The following ANO2 variants were observed in gnomAD, a reference collection of about 807,000 sequenced individuals.
ANO2 encodes the protein anoctamin 2, also known as anoctamin-2.
Under a neutral mutation model 124.2 loss-of-function variants are expected in ANO2, and 101 were observed. The ratio of observed to expected loss-of-function variants is 0.81; its 90% confidence interval spans 0.69 to 0.96. ANO2 has a LOEUF of 0.96. ANO2 is among the 40% of genes least tolerant of loss of function. The pLI is 0.00. For synonymous variants in ANO2, 486 were observed against 482.5 expected (o/e 1.01, Z -0.09); for missense variants, 1,293 against 1,274.5 (o/e 1.01, Z -0.22).
chr12:5,572,260 G>T (rs1942169754), intron 23 of ANO2, among the ~76,000 whole-genome samples: 1 of 151,984 alleles, frequency 6.6e-6, no homozygotes, highest in Non-Finnish European at 1.5e-5. Context: ...TGTCTCCCTG[G>T]AATACAGTGT....
intron 14 of ANO2, among the ~76,000 whole-genome samples, chr12:5,726,819 G>T (rs946633330): frequency 2.6e-5 from 4 of 152,108 alleles, no homozygotes; most frequent in Non-Finnish European, 4.4e-5. Flanking sequence ...AAACCAATGG[G>T]TTGATGACCA....
chr12:5,705,718 T>C (rs1440190341), intron 14 of ANO2, among the ~76,000 whole-genome samples: 1 of 152,234 alleles, frequency 6.6e-6, no homozygotes, highest in Non-Finnish European at 1.5e-5. Context: ...CCAAAACATA[T>C]CATAACTGTT....
chr12:5,863,809 CATT>C (rs1955344798), intron 3 of ANO2, among the ~76,000 whole-genome samples: 1 of 151,964 alleles, frequency 6.6e-6, no homozygotes, highest in Non-Finnish European at 1.5e-5. Flanking sequence ...TTTAAAAAAT[CATT>C]ATTTTTAATT....
chr12:5,751,038 G>T, intron 10 of ANO2, 68 bp from the exon 11 acceptor site: 6 of 1,451,268 alleles, frequency 4.1e-6, no homozygotes, highest in Non-Finnish European at 5.6e-6. Context: ...ATTTCTGTTT[G>T]TTCTATGCCT....
intron 3 of ANO2, among the ~76,000 whole-genome samples, chr12:5,912,107 C>G (rs945748467): frequency 2.0e-5 from 3 of 152,176 alleles, no homozygotes; most frequent in African/African-American, 7.2e-5. Context: ...CCAGAAGCAC[C>G]CTGTCAGTTG....
At chr12:5,786,988 C>T (rs542751865) in intron 10 of ANO2, among the ~76,000 whole-genome samples, 2 of 152,278 alleles carry the variant, frequency 1.3e-5, no homozygotes, top group Non-Finnish European at 2.9e-5. Flanking sequence ...ACACAGCCAC[C>T]ATAGGTGAGC....
intron 17 of ANO2, among the ~76,000 whole-genome samples, chr12:5,613,849 C>T (rs140153326): frequency 2.6e-5 from 4 of 152,272 alleles, no homozygotes; most frequent in East Asian, 1.9e-4. Context: ...TTGCCTAAAA[C>T]GTCATATGCA....
chr12:5,750,632 C>T (rs1369826806), intron 11 of ANO2, among the ~76,000 whole-genome samples: 2 of 152,218 alleles, frequency 1.3e-5, no homozygotes, highest in East Asian at 3.8e-4. Flanking sequence ...GGAAGTAGGC[C>T]TCGCCTAGCA....
At chr12:5,593,526 T>G (rs1387294323) in intron 20 of ANO2, among the ~76,000 whole-genome samples, 1 of 152,126 alleles carries the variant, frequency 6.6e-6, no homozygotes, top group Non-Finnish European at 1.5e-5. Context: ...CATTCTTTAA[T>G]AATTAGGGCA....
intron 14 of ANO2, among the ~76,000 whole-genome samples, chr12:5,654,287 T>A (rs1487298589): frequency 1.3e-5 from 2 of 152,328 alleles, no homozygotes; most frequent in South Asian, 2.1e-4. Flanking sequence ...TTCTGTTCAG[T>A]TGTTTAGAAG....
At chr12:5,707,344 C>T (rs781728091) in intron 14 of ANO2, among the ~76,000 whole-genome samples, 6 of 152,174 alleles carry the variant, frequency 3.9e-5, no homozygotes, top group South Asian at 2.1e-4. Context: ...TACTCAGTTT[C>T]GGGCAGTTCT....
In ANO2 at chr12:5,706,080, G is replaced by A. The variant is rs141299627; in HGVS notation, c.1545+26440C>T. On this transcript the variant is annotated intron_variant, in intron 14 of 24. Transcript: ENST00000682330. The stretch of plus-strand genomic sequence containing the variant: ...GAGGGTCAGAGAAAGTGCATTGTAC[G>A]CTGGCTTTGCAACTGCCTGGCCTGT... Among the ~76,000 whole-genome samples, 596 of 152,282 alleles carry A rather than the reference G, an allele frequency of 3.9e-3. 4 individuals are homozygous for A. The highest frequency in any genetic ancestry group is 0.014 in the African/African-American group (583 of 41,550).
At chr12:5,727,635 CTT>C (rs34307471) in intron 14 of ANO2, among the ~76,000 whole-genome samples, 2 of 64,274 alleles carry the variant, frequency 3.1e-5, no homozygotes, top group Admixed American at 3.3e-4. Flanking sequence ...TCACCACTTC[CTT>C]TTTTTTTTTT....
chr12:5,715,477 G>A (rs1456746061), intron 14 of ANO2, among the ~76,000 whole-genome samples: 1 of 152,160 alleles, frequency 6.6e-6, no homozygotes, highest in African/African-American at 2.4e-5. Flanking sequence ...CCATTCCCAG[G>A]ATGAGATAAA....
chr12:5,747,155 T>C (rs924152069), intron 11 of ANO2, among the ~76,000 whole-genome samples: 1 of 152,216 alleles, frequency 6.6e-6, no homozygotes, highest in African/African-American at 2.4e-5. Flanking sequence ...CCCTCTGTAC[T>C]ATCTTTGCAA....
intron 16 of ANO2, among the ~76,000 whole-genome samples, chr12:5,629,885 C>T (rs760995885): frequency 1.3e-5 from 2 of 152,218 alleles, no homozygotes; most frequent in African/African-American, 2.4e-5. Context: ...ACCAGTGCTG[C>T]GTTGCCTCCA....
intron 10 of ANO2, among the ~76,000 whole-genome samples, chr12:5,770,020 G>A (rs1952025529): frequency 6.6e-6 from 1 of 152,120 alleles, no homozygotes; most frequent in African/African-American, 2.4e-5. Context: ...ATGAGAGAAT[G>A]GAAGCTTAAA....
intron 3 of ANO2, among the ~76,000 whole-genome samples, chr12:5,890,904 G>T (rs1939344474): frequency 6.6e-6 from 1 of 152,142 alleles, no homozygotes; most frequent in Non-Finnish European, 1.5e-5. Context: ...AGAAAACATT[G>T]TTTGCCTTTC....
intron 10 of ANO2, among the ~76,000 whole-genome samples, chr12:5,767,147 C>G (rs11063854): frequency 0.027 from 4,129 of 152,314 alleles, 180 homozygotes; most frequent in African/African-American, 0.09. Flanking sequence ...GCCCCTTCCT[C>G]CCTGGACTTA....
Sources: allele counts gnomAD v4.1 joint callset (sites outside exome capture counted in the v4.1 genomes callset), GRCh38; gene constraint gnomAD v4.1.1; transcripts MANE v1.5; gene names NCBI Gene and HGNC (gene_info 2026-07-23, HGNC 2026-07-21).